NFAT5: variants seen among roughly 807,000 people sequenced by gnomAD.
The protein encoded by NFAT5 is nuclear factor of activated T cells 5.
NFAT5 carries 31 observed loss-of-function variants against 166.5 expected under a neutral mutation model. The observed-to-expected ratio is 0.19, with a 90% CI of 0.14 to 0.25. NFAT5 has a LOEUF of 0.25. NFAT5 is among the 10% of genes least tolerant of loss of function. NFAT5 has a pLI of 1.00. For missense variants in NFAT5, 1,449 were observed against 1,821.8 expected, an observed-to-expected ratio of 0.80 and a Z score of 3.72; for synonymous variants, 612 against 639.7, an observed-to-expected ratio of 0.96 and a Z score of 0.65.
rs774684840 is a variant in NFAT5 at position 69,659,856 on chromosome 16, C to T, written c.1326C>T (p.Gly442=). The change falls in exon 7 of 15, where the codon GGC becomes GGT. Residue 442 remains glycine, a synonymous_variant. Transcript: ENST00000349945. ...GAGTTAATATCATGAGGAAAGATGG[C>T]TCCACTTTGACACTGCAAACACCCT... ...VFRVNIMRKD[G]STLTLQTPSS... 5 of 1,613,912 alleles carry T rather than the reference C, an allele frequency of 3.1e-6. No homozygotes were observed. The highest frequency in any genetic ancestry group is 4.2e-6 in the Non-Finnish European group (5 of 1,179,906).
intron 2 of NFAT5, among the ~76,000 whole-genome samples, chr16:69,584,979 A>G (rs1412179832): frequency 2.6e-5 from 4 of 152,052 alleles, no homozygotes; most frequent in Admixed American, 2.6e-4. Flanking sequence ...AGTGCTGTCA[A>G]AACAGAGTAG....
At position 69,566,992 on chromosome 16, in the gene NFAT5, G is replaced by T. The variant is rs1404999308; in HGVS notation, c.73+618G>T. Among the ~76,000 whole-genome samples, 3 of 152,102 alleles carry T rather than the reference G, an allele frequency of 2.0e-5. No individual in the cohort carries two copies. Among genetic ancestry groups the T allele is most frequent in the African/African-American group, 7.2e-5 (3 of 41,418 alleles). On this transcript the variant is annotated intron_variant, in intron 1 of 14. Coordinates refer to ENST00000349945, the MANE Select transcript of NFAT5 (RefSeq NM_138713.4). This position sits in a 1 kb window ranked among gnomAD's most constrained non-coding sequence, Gnocchi z 5.7. The stretch of plus-strand genomic sequence containing the variant: ...TTCCTCGTCATCTTCTTGCTGGAAA[G>T]GGCCCGATGGAAAGGGCCCGAATTT...
chr16:69,626,158 GC>G (rs1194281248), intron 2 of NFAT5, among the ~76,000 whole-genome samples: 1 of 149,488 alleles, frequency 6.7e-6, no homozygotes, highest in Non-Finnish European at 1.5e-5. Context: ...TCACTGTGTT[GC>G]CCAAACTCGT....
intron 3 of NFAT5, among the ~76,000 whole-genome samples, chr16:69,635,499 C>G (rs181604111): frequency 5.9e-5 from 9 of 152,080 alleles, no homozygotes; most frequent in Admixed American, 2.0e-4. Flanking sequence ...GTCATGTTGA[C>G]ACTCTCTCAG....
At chr16:69,630,124 A>G (rs1216191218) in intron 3 of NFAT5, among the ~76,000 whole-genome samples, 4 of 151,704 alleles carry the variant, frequency 2.6e-5, no homozygotes, top group Non-Finnish European at 5.9e-5. Context: ...TTTAGTAGAG[A>G]CGGGGTTTCA....
chr16:69,618,405 T>C (rs1330513875), intron 2 of NFAT5, among the ~76,000 whole-genome samples: 3 of 152,230 alleles, frequency 2.0e-5, no homozygotes, highest in Admixed American at 1.3e-4. Flanking sequence ...CTACCAGTTA[T>C]TCTTGGACTG....
chr16:69,664,104 C>G (rs1388508836), intron 7 of NFAT5, among the ~76,000 whole-genome samples: 1 of 152,118 alleles, frequency 6.6e-6, no homozygotes, highest in Non-Finnish European at 1.5e-5. Flanking sequence ...AACTATCCCT[C>G]TCTTAAAATT....
rs535838961 is a variant in NFAT5 at position 69,686,464 on chromosome 16, A to G, written c.1774+1494A>G. Among the ~76,000 whole-genome samples the G allele has an allele frequency of 1.2e-3, 190 of 152,298 alleles. 1 individual carries two copies. The highest frequency in any genetic ancestry group is 3.1e-3 in the South Asian group (15 of 4,818). On this transcript the variant is annotated intron_variant, in intron 11 of 14. Transcript: ENST00000349945. The stretch of plus-strand genomic sequence containing the variant: ...CTTGATCTGAAGAGGTCGAAGGTGC[A>G]TTGAGCTGTGATCGTACCACTGCAC...
intron 2 of NFAT5, among the ~76,000 whole-genome samples, chr16:69,609,196 C>T (rs543481863): frequency 2.0e-5 from 3 of 152,034 alleles, no homozygotes; most frequent in East Asian, 1.9e-4. Flanking sequence ...TTCCTAGACT[C>T]TTCAGAAAAA....
intron 3 of NFAT5, among the ~76,000 whole-genome samples, chr16:69,645,143 C>G (rs965513119): frequency 6.6e-6 from 1 of 152,150 alleles, no homozygotes; most frequent in Non-Finnish European, 1.5e-5. Flanking sequence ...CTCAAAGTGG[C>G]TACAAATCAG....
intron 13 of NFAT5, among the ~76,000 whole-genome samples, chr16:69,694,490 A>G (rs984175585): frequency 2.6e-5 from 4 of 152,214 alleles, no homozygotes; most frequent in African/African-American, 7.2e-5. Context: ...TTTGACCTCA[A>G]GTGATCCGCT....
chr16:69,649,080 G>A (rs1399688171), intron 4 of NFAT5: 1 of 854,460 alleles, frequency 1.2e-6, no homozygotes, highest in Non-Finnish European at 1.4e-6. Context: ...CTAAAATGTT[G>A]CCATTTAATA....
intron 4 of NFAT5, chr16:69,649,172 A>G: frequency 1.1e-6 from 1 of 943,072 alleles, no homozygotes; most frequent in Non-Finnish European, 1.3e-6. Flanking sequence ...TACAGCAGGT[A>G]AATACTTAAG....
chr16:69,588,192 C>T (rs975172078), intron 2 of NFAT5, among the ~76,000 whole-genome samples: 8 of 152,052 alleles, frequency 5.3e-5, no homozygotes, highest in African/African-American at 9.7e-5. Context: ...CCTCGTGATC[C>T]ACCTGCCTCG....
At chr16:69,628,205 G>A (rs2034552625) in intron 3 of NFAT5, among the ~76,000 whole-genome samples, 1 of 151,520 alleles carries the variant, frequency 6.6e-6, no homozygotes, top group Admixed American at 6.6e-5. Flanking sequence ...TCTTGAATTT[G>A]GGTCCCTAAT....
chr16:69,664,298 A>T (rs895221856), intron 7 of NFAT5, among the ~76,000 whole-genome samples: 2 of 151,846 alleles, frequency 1.3e-5, no homozygotes, highest in South Asian at 2.1e-4. Context: ...TTATTTATTT[A>T]TTTTTTGAGA....
intron 9 of NFAT5, among the ~76,000 whole-genome samples, chr16:69,675,806 AT>A (rs1300215323): frequency 2.6e-5 from 4 of 151,878 alleles, no homozygotes; most frequent in African/African-American, 4.8e-5. Context: ...GGGCTGGCTA[AT>A]TTTTTGTATT....
At chr16:69,623,177 C>T (rs1297978255) in intron 2 of NFAT5, among the ~76,000 whole-genome samples, 2 of 152,054 alleles carry the variant, frequency 1.3e-5, no homozygotes, top group South Asian at 2.1e-4. Flanking sequence ...GTGTGTTTCT[C>T]TCTTATGTCT....
At position 69,670,061 on chromosome 16, in the gene NFAT5, G is replaced by T; in HGVS notation, c.1454G>T (p.Gly485Val). The T allele has an allele frequency of 6.2e-7, 1 of 1,612,814 alleles. No homozygotes were observed. Among genetic ancestry groups the T allele is most frequent in the Non-Finnish European group, 8.5e-7 (1 of 1,179,602 alleles). ...GGAGAAGAAGAAGTGTTTTTAATCGGCAAGAACTTTCTGAAAGGAACTAAA... is the reference window on the plus strand; with the variant it reads ...GGAGAAGAAGAAGTGTTTTTAATCGTCAAGAACTTTCTGAAAGGAACTAAA... ...VKGEEEVFLI[G>V]KNFLKGTKVI... Residue 485 changes from glycine to valine, a missense_variant, in exon 8 of 15, where the codon GGC becomes GTC. Transcript: ENST00000349945.
Sources: allele counts gnomAD v4.1 joint callset (sites outside exome capture counted in the v4.1 genomes callset), GRCh38; gene constraint gnomAD v4.1.1; non-coding constraint Gnocchi (gnomAD v3.1); transcripts MANE v1.5; gene names NCBI Gene and HGNC (gene_info 2026-07-23, HGNC 2026-07-21).